SORCS3: variants seen among roughly 807,000 people sequenced by gnomAD.
SORCS3 encodes the protein sortilin related VPS10 domain containing receptor 3.
A neutral mutation model predicts 146.3 loss-of-function variants in SORCS3; 57 were observed. That is an observed-to-expected ratio of 0.39 (90% CI 0.31 to 0.49). The LOEUF (loss-of-function observed/expected upper bound fraction) is 0.49. Ranked by LOEUF, SORCS3 falls within the 20% of genes least tolerant of loss-of-function variation. The probability of loss-of-function intolerance (pLI) is 0.92; values close to 1 mark genes in which losing one functional copy is unlikely to be tolerated. For missense variants in SORCS3, 1,341 were observed against 1,575.5 expected (o/e 0.85, Z 2.52); for synonymous variants, 653 against 618.5 (o/e 1.06, Z -0.83).
chr10:105,051,372 G>A (rs1198117735), intron 5 of SORCS3, among the ~76,000 whole-genome samples: 1 of 152,038 alleles, frequency 6.6e-6, no homozygotes, highest in African/African-American at 2.4e-5. Flanking sequence ...TAATGTGGTT[G>A]GAGTGAATAC....
intron 1 of SORCS3, among the ~76,000 whole-genome samples, chr10:104,688,729 G>T (rs1346231521): frequency 6.6e-6 from 1 of 152,014 alleles, no homozygotes; most frequent in African/African-American, 2.4e-5. Context: ...CATTCAGGAA[G>T]TACCTCTGTG....
At chr10:105,039,438 GCT>G (rs982389186) in intron 4 of SORCS3, among the ~76,000 whole-genome samples, 38 of 150,246 alleles carry the variant, frequency 2.5e-4, no homozygotes, top group Admixed American at 7.3e-4. Context: ...ATCAGCAGTG[GCT>G]CTCTCGCTCT....
chr10:104,818,097 T>G (rs753364213), intron 1 of SORCS3, among the ~76,000 whole-genome samples: 6 of 152,200 alleles, frequency 3.9e-5, no homozygotes, highest in Admixed American at 3.9e-4. Context: ...CACACACCTG[T>G]GCACACTTGG....
chr10:105,154,759 A>T (rs1243809546), intron 9 of SORCS3, among the ~76,000 whole-genome samples: 1 of 152,182 alleles, frequency 6.6e-6, no homozygotes, highest in Non-Finnish European at 1.5e-5. Context: ...GTGTACATAC[A>T]TGTGTACACA....
chr10:104,817,670 CCCT>C (rs2017819066), intron 1 of SORCS3, among the ~76,000 whole-genome samples: 2 of 58,948 alleles, frequency 3.4e-5, no homozygotes, highest in Non-Finnish European at 3.6e-5. Context: ...TCCCCCCTCC[CCCT>C]CTTCCCCTTT....
chr10:104,832,161 C>T (rs921724856), intron 1 of SORCS3, among the ~76,000 whole-genome samples: 4 of 152,128 alleles, frequency 2.6e-5, no homozygotes, highest in African/African-American at 9.7e-5. Context: ...AATAGTTCTG[C>T]CTTTACCACT....
chr10:105,211,112 T>C, intron 16 of SORCS3, 25 bp from the exon 17 acceptor site: 1 of 1,521,658 alleles, frequency 6.6e-7, no homozygotes, highest in Non-Finnish European at 9.1e-7. Context: ...TATATACTAC[T>C]ATGCAATATT....
At chr10:105,227,473 G>A (rs1001952784) in intron 20 of SORCS3, among the ~76,000 whole-genome samples, 2 of 151,998 alleles carry the variant, frequency 1.3e-5, no homozygotes, top group Non-Finnish European at 2.9e-5. Flanking sequence ...ACATATGGTC[G>A]ATCTTGGAGA....
At chr10:105,211,991 G>A (rs767510876) in intron 17 of SORCS3, among the ~76,000 whole-genome samples, 2 of 152,178 alleles carry the variant, frequency 1.3e-5, no homozygotes, top group Non-Finnish European at 2.9e-5. Flanking sequence ...CCGATGTGAT[G>A]TCGATATTGC....
intron 2 of SORCS3, among the ~76,000 whole-genome samples, chr10:104,872,839 A>C (rs1294847073): frequency 6.6e-6 from 1 of 152,222 alleles, no homozygotes; most frequent in East Asian, 1.9e-4. Context: ...TTGTTTTCTG[A>C]AAAGCACAAT....
intron 14 of SORCS3, among the ~76,000 whole-genome samples, chr10:105,187,100 CA>C (rs2056481900): frequency 6.6e-6 from 1 of 152,092 alleles, no homozygotes; most frequent in African/African-American, 2.4e-5. Context: ...AGAAAAGAAT[CA>C]AAGTTGTTTG....
At chr10:104,975,656 A>G (rs995497310) in intron 3 of SORCS3, among the ~76,000 whole-genome samples, 1 of 152,232 alleles carries the variant, frequency 6.6e-6, no homozygotes, top group African/African-American at 2.4e-5. Context: ...CCTGACTTCA[A>G]ACTATACTAC....
chr10:104,675,834 G>C (rs1019776595), intron 1 of SORCS3, among the ~76,000 whole-genome samples: 2 of 151,882 alleles, frequency 1.3e-5, no homozygotes, highest in African/African-American at 4.8e-5. Flanking sequence ...TAATTGTCTT[G>C]GCTGTTTTGG....
chr10:104,821,460 G>A (rs752574320), intron 1 of SORCS3, among the ~76,000 whole-genome samples: 5 of 152,174 alleles, frequency 3.3e-5, no homozygotes, highest in Non-Finnish European at 7.3e-5. Context: ...GTGAGGGTTT[G>A]TGTTCCTTTT....
chr10:104,722,212 C>T (rs1273453879), intron 1 of SORCS3, among the ~76,000 whole-genome samples: 1 of 152,108 alleles, frequency 6.6e-6, no homozygotes, highest in East Asian at 1.9e-4. Flanking sequence ...TGTCAAAGGC[C>T]TTTTCTGCAT....
At chr10:104,697,994 C>A (rs1257838390) in intron 1 of SORCS3, among the ~76,000 whole-genome samples, 3 of 152,094 alleles carry the variant, frequency 2.0e-5, no homozygotes, top group Non-Finnish European at 2.9e-5. Flanking sequence ...ACCTGTTGTG[C>A]TTTATCAAAG....
At chr10:104,818,187 A>G (rs558339636) in intron 1 of SORCS3, among the ~76,000 whole-genome samples, 3 of 152,098 alleles carry the variant, frequency 2.0e-5, no homozygotes, top group Admixed American at 6.5e-5. Context: ...TCTGTAATTC[A>G]TGTGCTGAGC....
At chr10:104,981,078 C>G (rs1417320674) in intron 4 of SORCS3, among the ~76,000 whole-genome samples, 1 of 152,154 alleles carries the variant, frequency 6.6e-6, no homozygotes, top group Admixed American at 6.5e-5. Flanking sequence ...GCTGGAGGGT[C>G]ATACCTCTGC....
chr10:105,126,728 T>G (rs539960444), intron 7 of SORCS3, among the ~76,000 whole-genome samples: 1 of 152,274 alleles, frequency 6.6e-6, no homozygotes, highest in African/African-American at 2.4e-5. Context: ...TAGTTGTCCC[T>G]TACTTAGTTG....
Sources: allele counts gnomAD v4.1 joint callset (sites outside exome capture counted in the v4.1 genomes callset), GRCh38; gene constraint gnomAD v4.1.1; transcripts MANE v1.5; gene names NCBI Gene and HGNC (gene_info 2026-07-23, HGNC 2026-07-21).